Variants in EYS observed in about 807,000 individuals in gnomAD.
The protein encoded by EYS is protein eyes shut homolog.
EYS carries 250 observed loss-of-function variants against 282.1 expected under a neutral mutation model. That is an observed-to-expected ratio of 0.89 (90% CI 0.80 to 0.98). EYS has a LOEUF of 0.98. Among genes scored for constraint, EYS ranks in the 50% least tolerant of loss-of-function variants. The pLI is 0.00. For synonymous variants in EYS, 1,355 were observed against 1,282.9 expected (o/e 1.06, Z -1.20); for missense variants, 4,016 against 3,709.0 (o/e 1.08, Z -2.15).
At chr6:64,553,545 A>AACCCCC (rs1765150929) in intron 26 of EYS, among the ~76,000 whole-genome samples, 6 of 46,458 alleles carry the variant, frequency 1.3e-4, no homozygotes, top group East Asian at 1.9e-3. Flanking sequence ...CTTTTGTTTG[A>AACCCCC]CCCCCCCCCC....
intron 31 of EYS, among the ~76,000 whole-genome samples, chr6:64,101,050 G>A (rs1325231977): frequency 1.3e-5 from 2 of 152,082 alleles, no homozygotes; most frequent in Non-Finnish European, 2.9e-5. Flanking sequence ...AGCAAATGTT[G>A]TGGTATCACT....
At chr6:63,931,587 A>T (rs1190160848) in intron 35 of EYS, among the ~76,000 whole-genome samples, 1 of 152,130 alleles carries the variant, frequency 6.6e-6, no homozygotes, top group Non-Finnish European at 1.5e-5. Flanking sequence ...TATGTAGTTA[A>T]CCCCAAATCT....
chr6:65,087,926 A>G (rs1405867976), intron 12 of EYS, among the ~76,000 whole-genome samples: 1 of 152,130 alleles, frequency 6.6e-6, no homozygotes, highest in East Asian at 1.9e-4. Flanking sequence ...TAATTAGGAC[A>G]GTTTTCCCCA....
intron 19 of EYS, among the ~76,000 whole-genome samples, chr6:64,857,590 C>T (rs1361695455): frequency 3.3e-5 from 5 of 152,084 alleles, no homozygotes; most frequent in Non-Finnish European, 5.9e-5. Context: ...ATACTTTTAA[C>T]ATATTGATTT....
intron 26 of EYS, among the ~76,000 whole-genome samples, chr6:64,446,680 G>T (rs376322234): frequency 2.6e-5 from 4 of 151,870 alleles, no homozygotes; most frequent in Admixed American, 2.6e-4. Context: ...GGAATATTAT[G>T]AGAGAATAAT....
intron 26 of EYS, among the ~76,000 whole-genome samples, chr6:64,519,120 G>A (rs2150524373): frequency 6.6e-6 from 1 of 151,870 alleles, no homozygotes; most frequent in Non-Finnish European, 1.5e-5. Context: ...ATGATACTGG[G>A]TAGGTGTTTG....
intron 5 of EYS, among the ~76,000 whole-genome samples, chr6:65,427,556 T>A (rs941129951): frequency 1.3e-5 from 2 of 152,046 alleles, no homozygotes; most frequent in African/African-American, 4.8e-5. Context: ...AAAAATAGAA[T>A]TATTTTTTTC....
At chr6:65,146,652 T>C (rs1042105454) in intron 12 of EYS, among the ~76,000 whole-genome samples, 1 of 151,978 alleles carries the variant, frequency 6.6e-6, no homozygotes, top group African/African-American at 2.4e-5. Context: ...GTTATTTTGT[T>C]AGAAAACTAT....
intron 12 of EYS, among the ~76,000 whole-genome samples, chr6:65,219,528 T>C (rs1398218503): frequency 4.6e-5 from 7 of 152,118 alleles, no homozygotes; most frequent in Admixed American, 4.6e-4. Context: ...GAAATGTAGC[T>C]TTCAAGTATT....
intron 8 of EYS, among the ~76,000 whole-genome samples, chr6:65,364,434 T>G (rs950634169): frequency 6.6e-6 from 1 of 151,406 alleles, no homozygotes; most frequent in African/African-American, 2.4e-5. Context: ...TAACCTTGCA[T>G]GAGTTGAAAA....
intron 29 of EYS, among the ~76,000 whole-genome samples, chr6:64,322,417 G>C (rs1056470796): frequency 1.3e-5 from 2 of 151,928 alleles, no homozygotes; most frequent in Admixed American, 6.6e-5. Flanking sequence ...ACTTGTTGGA[G>C]ACCAAGTCTC....
rs185976147 is a variant in EYS, at chr6:63,862,894, T to C, written c.7228+1292A>G. 4.1e-4 allele frequency among the ~76,000 whole-genome samples: 62 copies of C among 152,382 alleles called. 1 individual carries two copies. Among genetic ancestry groups the C allele is most frequent in the African/African-American group, 1.4e-3 (60 of 41,590 alleles). On this transcript the variant is annotated intron_variant, in intron 36 of 42. Transcript: ENST00000503581. The stretch of plus-strand genomic sequence containing the variant: ...TCTTCCCCTCTTAAGTCATTCTGTC[T>C]TTCAGATACACACAAATTCATTGTC...
intron 22 of EYS, among the ~76,000 whole-genome samples, chr6:64,792,091 C>T (rs1360325793): frequency 6.6e-6 from 1 of 151,864 alleles, no homozygotes; most frequent in Admixed American, 6.6e-5. Context: ...TAATGACTGA[C>T]TCAATTTTCT....
chr6:64,641,929 C>T (rs939089104), intron 22 of EYS, among the ~76,000 whole-genome samples: 11 of 152,200 alleles, frequency 7.2e-5, no homozygotes, highest in Admixed American at 2.6e-4. Flanking sequence ...CTACTCCTTC[C>T]TCCCATATGT....
chr6:65,293,301 T>G (rs1768577260), intron 12 of EYS, among the ~76,000 whole-genome samples: 1 of 151,580 alleles, frequency 6.6e-6, no homozygotes, highest in Non-Finnish European at 1.5e-5. Flanking sequence ...TACTAAAATA[T>G]TATAGATATA....
chr6:65,382,036 A>G (rs1194806994), intron 8 of EYS, among the ~76,000 whole-genome samples: 1 of 151,674 alleles, frequency 6.6e-6, no homozygotes, highest in African/African-American at 2.4e-5. Context: ...TATTATGATT[A>G]TGTTTATTTC....
chr6:64,066,899 T>A (rs1771391070), intron 32 of EYS, among the ~76,000 whole-genome samples: 1 of 152,166 alleles, frequency 6.6e-6, no homozygotes, highest in African/African-American at 2.4e-5. Context: ...TTATTGAATC[T>A]AATGTTTAAA....
intron 13 of EYS, among the ~76,000 whole-genome samples, chr6:65,040,658 T>C (rs1309091144): frequency 1.3e-5 from 2 of 151,638 alleles, no homozygotes; most frequent in Admixed American, 1.3e-4. Flanking sequence ...CTGACAACCA[T>C]AAATGTCTCT....
intron 29 of EYS, among the ~76,000 whole-genome samples, chr6:64,373,147 A>T (rs1772438650): frequency 6.6e-6 from 1 of 152,104 alleles, no homozygotes; most frequent in South Asian, 2.1e-4. Flanking sequence ...TGGCTTTTTG[A>T]GTTTCCAGAG....
Sources: allele counts gnomAD v4.1 joint callset (sites outside exome capture counted in the v4.1 genomes callset), GRCh38; gene constraint gnomAD v4.1.1; transcripts MANE v1.5; gene names NCBI Gene and HGNC (gene_info 2026-07-23, HGNC 2026-07-21).